Variants in DPYD observed in about 807,000 individuals in gnomAD.
The protein encoded by DPYD is dihydropyrimidine dehydrogenase [NADP(+)].
DPYD carries 109 observed loss-of-function variants against 116.2 expected under a neutral mutation model. That is an observed-to-expected ratio of 0.94 (90% CI 0.80 to 1.10). The LOEUF is 1.10. DPYD is among the 50% of genes least tolerant of loss of function. DPYD has a pLI of 0.00. For missense variants in DPYD, 1,302 were observed against 1,254.5 expected, an observed-to-expected ratio of 1.04 and a Z score of -0.57; for synonymous variants, 440 against 432.0, an observed-to-expected ratio of 1.02 and a Z score of -0.23.
At chr1:97,239,647 T>C (rs1662192680) in intron 18 of DPYD, among the ~76,000 whole-genome samples, 1 of 152,108 alleles carries the variant, frequency 6.6e-6, no homozygotes, top group South Asian at 2.1e-4. Flanking sequence ...ACATTATACA[T>C]TTTATAAATA....
At chr1:97,864,315 G>A (rs1571492622) in intron 2 of DPYD, among the ~76,000 whole-genome samples, 1 of 152,022 alleles carries the variant, frequency 6.6e-6, no homozygotes, top group East Asian at 1.9e-4. Context: ...AGGGGGCTGG[G>A]GGCCTGGGAA....
At chr1:97,268,182 G>A (rs1664353813) in intron 18 of DPYD, among the ~76,000 whole-genome samples, 2 of 152,156 alleles carry the variant, frequency 1.3e-5, no homozygotes, top group Non-Finnish European at 2.9e-5. Context: ...CTGGGGCAGG[G>A]GTTGGGCCCC....
intron 20 of DPYD, among the ~76,000 whole-genome samples, chr1:97,110,019 A>G (rs540743342): frequency 1.3e-4 from 20 of 152,138 alleles, no homozygotes; most frequent in African/African-American, 4.8e-4. Flanking sequence ...TTCATCTCAA[A>G]TCTAGGTCTC....
At chr1:97,609,577 C>G (rs1230219685) in intron 8 of DPYD, among the ~76,000 whole-genome samples, 1 of 151,952 alleles carries the variant, frequency 6.6e-6, no homozygotes, top group African/African-American at 2.4e-5. Context: ...TTACAGATGA[C>G]AAACTGAGGT....
intron 8 of DPYD, among the ~76,000 whole-genome samples, chr1:97,648,146 G>A: frequency 6.6e-6 from 1 of 152,086 alleles, no homozygotes. Context: ...CATAGTTTTG[G>A]TCTGGCAATC....
Position 97,573,879 on chromosome 1 carries a change from T to C in DPYD, c.1220A>G (p.Gln407Arg), listed in dbSNP as rs886046579. 1.9e-6 allele frequency: 3 copies of C among 1,613,712 alleles called. No individual in the cohort carries two copies. The highest frequency in any genetic ancestry group is 2.2e-5 in the East Asian group (1 of 44,854). ...IVKGGRIVAM[Q>R]FVRTEQDETG... ...TTCATCTTGCTCTGTCCGAACAAAC[T>C]GCATAGCAACAATTCTCCCACCTTT... Residue 407 changes from glutamine (Q) to arginine (R), a missense_variant, in exon 11 of 23, where the codon CAG (glutamine) becomes CGG (arginine). Transcript: ENST00000370192.
At chr1:97,494,171 A>T (rs937283542) in intron 13 of DPYD, among the ~76,000 whole-genome samples, 1 of 152,124 alleles carries the variant, frequency 6.6e-6, no homozygotes, top group Non-Finnish European at 1.5e-5. Flanking sequence ...TATACAGATA[A>T]CTCTAAAAAA....
intron 3 of DPYD, among the ~76,000 whole-genome samples, chr1:97,784,371 C>T (rs189463552): frequency 1.3e-5 from 2 of 152,136 alleles, no homozygotes; most frequent in East Asian, 1.9e-4. Flanking sequence ...ACCAAGCTTC[C>T]CTGGCAAGAA....
At chr1:97,650,236 G>A (rs1010772665) in intron 8 of DPYD, among the ~76,000 whole-genome samples, 1 of 152,072 alleles carries the variant, frequency 6.6e-6, no homozygotes, top group Non-Finnish European at 1.5e-5. Flanking sequence ...TCTAGAACAA[G>A]GACTCTATCC....
At chr1:97,899,894 T>C (rs1673276728) in intron 1 of DPYD, among the ~76,000 whole-genome samples, 1 of 151,902 alleles carries the variant, frequency 6.6e-6, no homozygotes, top group Non-Finnish European at 1.5e-5. Context: ...TATACATGGA[T>C]AGGCCTTGGG....
At chr1:97,766,645 A>G (rs1029342705) in intron 3 of DPYD, among the ~76,000 whole-genome samples, 3 of 152,156 alleles carry the variant, frequency 2.0e-5, no homozygotes, top group Admixed American at 6.6e-5. Context: ...GCTTCTAGAA[A>G]TCTTAAAGAG....
intron 16 of DPYD, among the ~76,000 whole-genome samples, chr1:97,313,184 T>C (rs1282459573): frequency 6.6e-6 from 1 of 151,908 alleles, no homozygotes; most frequent in Non-Finnish European, 1.5e-5. Context: ...ACCTGACACA[T>C]AGTAGGCATT....
intron 18 of DPYD, among the ~76,000 whole-genome samples, chr1:97,303,459 C>T (rs1227329584): frequency 1.3e-5 from 2 of 151,940 alleles, no homozygotes; most frequent in East Asian, 1.9e-4. Context: ...ATACAACTCT[C>T]GTAAAATTTG....
chr1:97,669,464 T>C (rs1659742433), intron 8 of DPYD, among the ~76,000 whole-genome samples: 1 of 152,118 alleles, frequency 6.6e-6, no homozygotes, highest in Non-Finnish European at 1.5e-5. Context: ...AATATGACTG[T>C]TTTGGACACC....
chr1:97,853,968 T>C (rs908567325), intron 2 of DPYD, among the ~76,000 whole-genome samples: 8 of 152,230 alleles, frequency 5.3e-5, no homozygotes, highest in African/African-American at 1.7e-4. Flanking sequence ...ACATTTCTTA[T>C]AGGAACAGAA....
chr1:97,383,202 C>A (rs4949947), intron 14 of DPYD, among the ~76,000 whole-genome samples: 1 of 151,904 alleles, frequency 6.6e-6, no homozygotes, highest in African/African-American at 2.4e-5. Context: ...ATTGGCCAGG[C>A]GTGGTGGCTC....
chr1:97,452,833 C>A (rs1262932035), intron 13 of DPYD, among the ~76,000 whole-genome samples: 1 of 152,072 alleles, frequency 6.6e-6, no homozygotes, highest in Non-Finnish European at 1.5e-5. Context: ...TTAGCAGATG[C>A]TGCTATGCTT....
intron 19 of DPYD, among the ~76,000 whole-genome samples, chr1:97,220,714 T>C (rs571123775): frequency 1.9e-4 from 29 of 152,332 alleles, no homozygotes; most frequent in African/African-American, 7.0e-4. Flanking sequence ...TATCTTACTG[T>C]CAATTATATC....
intron 14 of DPYD, among the ~76,000 whole-genome samples, chr1:97,449,328 G>A (rs953197042): frequency 6.6e-6 from 1 of 151,980 alleles, no homozygotes; most frequent in African/African-American, 2.4e-5. Context: ...GAAATAAGTT[G>A]TGTATATTTG....
Sources: allele counts gnomAD v4.1 joint callset (sites outside exome capture counted in the v4.1 genomes callset), GRCh38; gene constraint gnomAD v4.1.1; transcripts MANE v1.5; gene names NCBI Gene and HGNC (gene_info 2026-07-23, HGNC 2026-07-21).